The following MAGI1 variants were observed in gnomAD, a reference collection of about 807,000 sequenced individuals.
The protein encoded by MAGI1 is membrane-associated guanylate kinase, WW and PDZ domain-containing protein 1.
Under a neutral mutation model 139.9 loss-of-function variants are expected in MAGI1, and 58 were observed. The ratio of observed to expected loss-of-function variants is 0.41; its 90% confidence interval spans 0.34 to 0.52. The LOEUF is 0.52. Among genes scored for constraint, MAGI1 ranks in the 20% least tolerant of loss-of-function variants. The pLI is 0.12. For synonymous variants in MAGI1, 812 were observed against 737.9 expected (o/e 1.10, Z -1.63); for missense variants, 1,874 against 1,901.6 (o/e 0.99, Z 0.27).
chr3:65,422,436 A>G (rs747462704), intron 12 of MAGI1, among the ~76,000 whole-genome samples: 1 of 152,158 alleles, frequency 6.6e-6, no homozygotes, highest in Non-Finnish European at 1.5e-5. Context: ...AGGATCTGTC[A>G]CTTTTTAGCT....
chr3:65,411,487 G>C (rs2107198998), intron 12 of MAGI1, among the ~76,000 whole-genome samples: 1 of 152,178 alleles, frequency 6.6e-6, no homozygotes. Flanking sequence ...TAACTACATA[G>C]GATGTACGGG....
At chr3:65,659,794 T>C (rs1252359387) in intron 1 of MAGI1, among the ~76,000 whole-genome samples, 6 of 152,126 alleles carry the variant, frequency 3.9e-5, no homozygotes, top group Admixed American at 3.3e-4. Context: ...CCACCGGCGT[T>C]TGGGGACCTC....
intron 1 of MAGI1, among the ~76,000 whole-genome samples, chr3:65,849,214 G>A (rs965756436): frequency 1.4e-4 from 21 of 150,634 alleles, no homozygotes; most frequent in South Asian, 6.3e-4. Flanking sequence ...TAGTAGAGAC[G>A]GGGTTTCGCC....
rs72908193 is a variant in MAGI1 at position 65,693,851 on chromosome 3, C to T, written c.314-71763G>A. Among the ~76,000 whole-genome samples the T allele has an allele frequency of 2.7e-3, 409 of 152,022 alleles. 2 individuals are homozygous for T. Among genetic ancestry groups the T allele is most frequent in the African/African-American group, 9.0e-3 (374 of 41,448 alleles). On this transcript the variant is annotated intron_variant, in intron 1 of 22. Coordinates refer to ENST00000402939, the MANE Select transcript of MAGI1 (RefSeq NM_001033057.2). ...CGACTCTCCTGCCTCAGCCCCCGAG[C>T]AGCTGGGATTACAGGCGTGGACCAT... is the stretch of plus-strand genomic sequence containing the variant.
At chr3:65,929,647 C>T (rs1478546149) in intron 1 of MAGI1, among the ~76,000 whole-genome samples, 1 of 151,872 alleles carries the variant, frequency 6.6e-6, no homozygotes, top group Non-Finnish European at 1.5e-5. Flanking sequence ...AAGATTTTTA[C>T]GTCAAGAATT....
At chr3:65,378,841 C>T (rs1195908992) in intron 17 of MAGI1, among the ~76,000 whole-genome samples, 1 of 152,076 alleles carries the variant, frequency 6.6e-6, no homozygotes, top group Non-Finnish European at 1.5e-5. Context: ...ACTACCACGC[C>T]CAGCTACTTT....
intron 1 of MAGI1, among the ~76,000 whole-genome samples, chr3:65,685,995 T>C (rs1477205826): frequency 6.6e-6 from 1 of 152,166 alleles, no homozygotes; most frequent in African/African-American, 2.4e-5. Flanking sequence ...CAGCTGCAAA[T>C]ATGGCCATAG....
At chr3:65,790,166 T>C (rs1281508654) in intron 1 of MAGI1, among the ~76,000 whole-genome samples, 1 of 152,202 alleles carries the variant, frequency 6.6e-6, no homozygotes, top group Non-Finnish European at 1.5e-5. Flanking sequence ...CTTACCCCGA[T>C]TTCACGAAAT....
intron 1 of MAGI1, among the ~76,000 whole-genome samples, chr3:65,831,696 T>C (rs986585601): frequency 6.6e-6 from 1 of 152,196 alleles, no homozygotes; most frequent in African/African-American, 2.4e-5. Context: ...AAATTCCACA[T>C]AGATTTTTGC....
At chr3:65,943,149 T>A (rs2063391631) in intron 1 of MAGI1, among the ~76,000 whole-genome samples, 1 of 152,272 alleles carries the variant, frequency 6.6e-6, no homozygotes, top group East Asian at 1.9e-4. Context: ...ATGTTTACAG[T>A]TGCATTCGTC....
chr3:65,966,918 T>C (rs2064775448), intron 1 of MAGI1, among the ~76,000 whole-genome samples: 1 of 152,240 alleles, frequency 6.6e-6, no homozygotes, highest in African/African-American at 2.4e-5. Context: ...AAATGGTTAA[T>C]AGACAGTAAC....
intron 12 of MAGI1, among the ~76,000 whole-genome samples, chr3:65,410,897 C>T (rs1945743797): frequency 6.6e-6 from 1 of 152,136 alleles, no homozygotes. Flanking sequence ...TGGGCAGGAG[C>T]TTTTTCTAGC....
At chr3:65,897,865 A>C (rs542496251) in intron 1 of MAGI1, among the ~76,000 whole-genome samples, 6 of 144,388 alleles carry the variant, frequency 4.2e-5, no homozygotes, top group African/African-American at 1.5e-4. Flanking sequence ...CCTGTCCAAA[A>C]AAAATAAAAA....
In MAGI1 at chr3:65,998,788, C is replaced by T. The variant is rs1270200098; in HGVS notation, c.313+39208G>A. ...AATTTTTACAGGGTACTATTCCTTT[C>T]ATCTAATGCAAAAAGCCTTGAAGCT... On this transcript the variant is annotated intron_variant, in intron 1 of 22. Coordinates refer to ENST00000402939, the MANE Select transcript of MAGI1 (RefSeq NM_001033057.2). 2.0e-5 allele frequency among the ~76,000 whole-genome samples: 3 copies of T among 152,016 alleles called. No homozygotes were observed. The East Asian group carries it at 5.8e-4, about 29-fold the overall frequency.
intron 10 of MAGI1, among the ~76,000 whole-genome samples, chr3:65,432,966 T>A (rs1184666535): frequency 6.6e-6 from 1 of 152,202 alleles, no homozygotes; most frequent in African/African-American, 2.4e-5. Flanking sequence ...TTTATTTTTG[T>A]CCTTAGCATT....
chr3:65,411,816 C>A (rs1945814969), intron 12 of MAGI1, among the ~76,000 whole-genome samples: 1 of 152,030 alleles, frequency 6.6e-6, no homozygotes, highest in Non-Finnish European at 1.5e-5. Context: ...GACACCAAAC[C>A]CCTGAAACCT....
intron 1 of MAGI1, among the ~76,000 whole-genome samples, chr3:65,857,315 C>G (rs951764776): frequency 4.6e-5 from 7 of 152,146 alleles, no homozygotes; most frequent in African/African-American, 1.7e-4. Flanking sequence ...GAAATGCTAC[C>G]AAGTAATGCT....
chr3:66,020,373 T>G (rs1276801183), intron 1 of MAGI1, among the ~76,000 whole-genome samples: 1 of 152,072 alleles, frequency 6.6e-6, no homozygotes, highest in Non-Finnish European at 1.5e-5. Context: ...GAGGTTGCAA[T>G]GAGCCAAAAT....
chr3:65,821,854 G>A (rs1455548970), intron 1 of MAGI1, among the ~76,000 whole-genome samples: 2 of 152,172 alleles, frequency 1.3e-5, no homozygotes, highest in Non-Finnish European at 2.9e-5. Context: ...TGATGATAAG[G>A]CAACTCAAAC....
Sources: allele counts gnomAD v4.1 joint callset (sites outside exome capture counted in the v4.1 genomes callset), GRCh38; gene constraint gnomAD v4.1.1; transcripts MANE v1.5; gene names NCBI Gene and HGNC (gene_info 2026-07-23, HGNC 2026-07-21).